PRKCH: variants seen among roughly 807,000 people sequenced by gnomAD.
PRKCH encodes the protein protein kinase C eta, also known as protein kinase C eta type.
In PRKCH, 28 loss-of-function variants were observed where a neutral mutation model predicts 82.5. The observed-to-expected ratio is 0.34, with a 90% CI of 0.25 to 0.47. The LOEUF (loss-of-function observed/expected upper bound fraction) is 0.47. Ranked by LOEUF, PRKCH falls within the 20% of genes least tolerant of loss-of-function variation. The probability of loss-of-function intolerance (pLI) is 1.00; values close to 1 mark genes in which losing one functional copy is unlikely to be tolerated. For missense variants in PRKCH, 705 were observed against 881.8 expected, an observed-to-expected ratio of 0.80 and a Z score of 2.54; for synonymous variants, 322 against 327.4, an observed-to-expected ratio of 0.98 and a Z score of 0.18.
At chr14:61,376,605 T>G (rs2046431423) in intron 1 of PRKCH, among the ~76,000 whole-genome samples, 1 of 152,208 alleles carries the variant, frequency 6.6e-6, no homozygotes, top group Non-Finnish European at 1.5e-5. Context: ...CAAGTCCTGC[T>G]GAGCTTCTTT....
intron 1 of PRKCH, among the ~76,000 whole-genome samples, chr14:61,216,821 A>C (rs967639646): frequency 6.6e-6 from 1 of 152,240 alleles, no homozygotes; most frequent in Non-Finnish European, 1.5e-5. Context: ...AAAAAATTAT[A>C]GTTAATCTAA....
At chr14:61,444,590 C>G (rs11621837) in intron 3 of PRKCH, among the ~76,000 whole-genome samples, 1,537 of 152,208 alleles carry the variant, frequency 0.01, 15 homozygotes, top group South Asian at 0.022. Context: ...AACGCTCCCC[C>G]CCTCCACACC....
intron 2 of PRKCH, among the ~76,000 whole-genome samples, chr14:61,430,478 C>A (rs1883331161): frequency 6.6e-6 from 1 of 152,196 alleles, no homozygotes; most frequent in Non-Finnish European, 1.5e-5. Flanking sequence ...TGAAGCATAT[C>A]TCTGTCAATA....
At chr14:61,485,776 A>G in intron 10 of PRKCH, 120 bp downstream of exon 10, 1 of 1,365,966 alleles carries the variant, frequency 7.3e-7, no homozygotes, top group African/African-American at 1.5e-5. Context: ...AATTCACAGA[A>G]GTTTTGTTTT....
chr14:61,470,292 A>T (rs1885441172), intron 9 of PRKCH, among the ~76,000 whole-genome samples: 1 of 151,938 alleles, frequency 6.6e-6, no homozygotes, highest in Non-Finnish European at 1.5e-5. Flanking sequence ...TGGCAAGAGT[A>T]GCAGCCCCAG....
At chr14:61,495,099 A>T (rs1314961572) in intron 10 of PRKCH, among the ~76,000 whole-genome samples, 2 of 152,210 alleles carry the variant, frequency 1.3e-5, no homozygotes, top group East Asian at 3.9e-4. Context: ...CAGATGTTTG[A>T]TGGTTAATTT....
At chr14:61,286,930 G>A (rs935842222) in intron 1 of PRKCH, among the ~76,000 whole-genome samples, 2 of 151,570 alleles carry the variant, frequency 1.3e-5, no homozygotes, top group East Asian at 3.9e-4. Flanking sequence ...AGTTGGCAGG[G>A]TGCAATGGAT....
chr14:61,428,106 T>TAC (rs1339489083), intron 2 of PRKCH, among the ~76,000 whole-genome samples: 886 of 82,910 alleles, frequency 0.011, 12 homozygotes, highest in African/African-American at 0.036. Flanking sequence ...CATATATATA[T>TAC]ACACACATAT....
intron 1 of PRKCH, 114 bp downstream of exon 1, chr14:61,322,578 T>C: frequency 7.0e-7 from 1 of 1,421,870 alleles, no homozygotes; most frequent in Non-Finnish European, 9.3e-7. Context: ...GGGAATTCCC[T>C]CCAGACTTTG....
intron 3 of PRKCH, among the ~76,000 whole-genome samples, chr14:61,444,892 C>T (rs1028721208): frequency 1.2e-4 from 19 of 152,318 alleles, no homozygotes; most frequent in Non-Finnish European, 2.1e-4. Flanking sequence ...GCAGTAGGAA[C>T]GGTTATCATT....
chr14:61,238,496 T>G (rs951902117), intron 1 of PRKCH, among the ~76,000 whole-genome samples: 5 of 152,206 alleles, frequency 3.3e-5, no homozygotes, highest in African/African-American at 1.2e-4. Flanking sequence ...CCTTTAATGT[T>G]GCAGGACCAG....
At chr14:61,438,592 T>G (rs1419427165) in intron 2 of PRKCH, among the ~76,000 whole-genome samples, 1 of 152,206 alleles carries the variant, frequency 6.6e-6, no homozygotes, top group Non-Finnish European at 1.5e-5. Context: ...GATGATGTAT[T>G]TACTGTTTTT....
rs1022433996 is a variant in PRKCH, at chr14:61,356,644, GAA to G, written c.363+34184_363+34185del. 2.0e-5 allele frequency among the ~76,000 whole-genome samples: 3 copies of G among 152,114 alleles called. No individual in the cohort carries two copies. The East Asian group carries it at 5.8e-4, about 29-fold the overall frequency. On this transcript the variant is annotated intron_variant, in intron 1 of 13. Coordinates refer to ENST00000332981, the MANE Select transcript of PRKCH (RefSeq NM_006255.5). ...GTGTTGTCTTGGGAGATCTTGGGGG[GAA>G]AAAGAGTTTAGTTTAGTTCTTTCTT... is the stretch of plus-strand genomic sequence containing the variant.
intron 13 of PRKCH, among the ~76,000 whole-genome samples, chr14:61,548,253 T>G (rs1362847597): frequency 6.8e-6 from 1 of 147,204 alleles, no homozygotes; most frequent in Non-Finnish European, 1.5e-5. Context: ...TTGGGGCACT[T>G]TTTGTGCCTT....
chr14:61,285,412 A>G (rs1043208839), intron 1 of PRKCH, among the ~76,000 whole-genome samples: 1 of 152,252 alleles, frequency 6.6e-6, no homozygotes, highest in African/African-American at 2.4e-5. Context: ...AAAGTTCCTT[A>G]GGATATAACT....
At chr14:61,477,797 T>A (rs1885792558) in intron 9 of PRKCH, among the ~76,000 whole-genome samples, 1 of 152,232 alleles carries the variant, frequency 6.6e-6, no homozygotes, top group Admixed American at 6.5e-5. Context: ...TCGGGAAACA[T>A]CCCTGTGTCC....
chr14:61,225,397 A>T (rs748129347), intron 1 of PRKCH, among the ~76,000 whole-genome samples: 10 of 152,196 alleles, frequency 6.6e-5, no homozygotes, highest in Non-Finnish European at 1.3e-4. Context: ...TGACAGTGTG[A>T]GGCCTGGGCT....
intron 10 of PRKCH, among the ~76,000 whole-genome samples, chr14:61,523,955 G>A (rs1231679996): frequency 6.6e-6 from 1 of 152,246 alleles, no homozygotes; most frequent in Non-Finnish European, 1.5e-5. Flanking sequence ...ATTGGCAGGT[G>A]CCGAGGCTGT....
chr14:61,487,554 C>T (rs12886896), intron 10 of PRKCH, among the ~76,000 whole-genome samples: 99,319 of 152,024 alleles, frequency 0.65, 37,277 homozygotes, highest in Middle Eastern at 0.84. Flanking sequence ...TTCTCCTCTC[C>T]GCGGCTAATC....
Sources: gnomAD v4.1 joint callset for allele counts (sites outside exome capture counted in the v4.1 genomes callset) on GRCh38, gnomAD v4.1.1 for gene constraint, MANE v1.5 for transcripts, NCBI Gene and HGNC (gene_info 2026-07-23, HGNC 2026-07-21) for gene names.